COL5A2: variants seen among roughly 807,000 people sequenced by gnomAD.
COL5A2 encodes collagen type V alpha 2 chain.
A neutral mutation model predicts 208.2 loss-of-function variants in COL5A2; 23 were observed. The observed-to-expected ratio is 0.11, with a 90% CI of 0.08 to 0.16. The LOEUF (loss-of-function observed/expected upper bound fraction) is 0.16, where lower values mean the gene tolerates loss of function less well. COL5A2 is among the 10% of genes least tolerant of loss of function. The pLI, the probability that COL5A2 is intolerant of heterozygous loss-of-function variation, is 1.00. For synonymous variants in COL5A2, 625 were observed against 628.5 expected, an observed-to-expected ratio of 0.99 and a Z score of 0.08; for missense variants, 1,590 against 1,956.4, an observed-to-expected ratio of 0.81 and a Z score of 3.53.
chr2:189,121,052 A>T (rs1183777332), intron 1 of COL5A2, among the ~76,000 whole-genome samples: 1 of 151,536 alleles, frequency 6.6e-6, no homozygotes, highest in Non-Finnish European at 1.5e-5. Flanking sequence ...GTAACAGATT[A>T]TTAGAACATA....
At chr2:189,253,160 G>C in the COL5A2 span, among the ~76,000 whole-genome samples, 66 of 152,300 alleles carry the variant, frequency 4.3e-4, no homozygotes, top group Middle Eastern at 3.4e-3. Flanking sequence ...TAATGCAGTG[G>C]AGCTCATGGC....
the COL5A2 span, among the ~76,000 whole-genome samples, chr2:189,340,978 A>G: frequency 6.6e-6 from 1 of 152,238 alleles, no homozygotes; most frequent in Non-Finnish European, 1.5e-5. Flanking sequence ...CCAAAACAAT[A>G]TAAAAATAAA....
the COL5A2 span, among the ~76,000 whole-genome samples, chr2:189,305,814 TAAA>T: frequency 7.8e-3 from 1,086 of 139,572 alleles, 5 homozygotes; most frequent in Non-Finnish European, 0.012. Flanking sequence ...ATATTCAATC[TAAA>T]AAAAAAAAAA....
At chr2:189,185,529 C>T (rs1265028017) in intron 1 of COL5A2, among the ~76,000 whole-genome samples, 3 of 151,994 alleles carry the variant, frequency 2.0e-5, no homozygotes, top group Non-Finnish European at 1.5e-5. Context: ...TTACAAAGAG[C>T]TAGAAAAAAA....
the COL5A2 span, among the ~76,000 whole-genome samples, chr2:189,348,350 A>G: frequency 6.6e-6 from 1 of 152,170 alleles, no homozygotes; most frequent in Non-Finnish European, 1.5e-5. Flanking sequence ...TATTTGCTCT[A>G]GAAAAAAAAT....
intron 26 of COL5A2, 47 bp downstream of exon 26, chr2:189,063,933 C>G (rs1284294681): frequency 7.0e-7 from 1 of 1,437,558 alleles, no homozygotes; most frequent in Non-Finnish European, 9.8e-7. Context: ...AGTTGCATGT[C>G]TGTTGAAAAA....
chr2:189,430,090 A>T, the COL5A2 span, among the ~76,000 whole-genome samples: 1,158 of 152,334 alleles, frequency 7.6e-3, 17 homozygotes, highest in African/African-American at 0.027. Context: ...GGGCCACAGC[A>T]TATTAGTGGA....
chr2:189,279,141 A>C, the COL5A2 span, among the ~76,000 whole-genome samples: 2 of 151,938 alleles, frequency 1.3e-5, no homozygotes, highest in Admixed American at 6.6e-5. Flanking sequence ...ATTCTAGTTT[A>C]AAAGAACAGA....
the COL5A2 span, among the ~76,000 whole-genome samples, chr2:189,325,600 T>C: frequency 6.6e-6 from 1 of 152,266 alleles, no homozygotes; most frequent in Non-Finnish European, 1.5e-5. Flanking sequence ...TAATCTGCAG[T>C]GATTTTTCTT....
In COL5A2 at chr2:189,057,330, T is replaced by A; in HGVS notation, c.2327A>T (p.Lys776Met). The change falls in exon 34 of 54, where the codon AAG becomes ATG. Residue 776 changes from lysine (K) to methionine (M), a missense_variant. Lys to Met is a moderately conservative substitution (Grantham distance 95, BLOSUM62 -1). Transcript: ENST00000374866. ...AAAAAAAGGACTTACTCTGTCACCC[T>A]TGGGGCCAGGAGTTCCTGCAATTCC... ...ERGIAGTPGP[K>M]GDRGGIGEKG... 2 of 1,467,796 alleles carry A rather than the reference T, an allele frequency of 1.4e-6. No individual in the cohort carries two copies. The highest frequency in any genetic ancestry group is 1.9e-6 in the Non-Finnish European group (2 of 1,053,784). The allele number at this position is 1,467,796 out of a possible 1,614,324, so 90.9% of individuals were successfully genotyped here.
At chr2:189,214,269 A>C (rs1456759267) in intron 1 of COL5A2, among the ~76,000 whole-genome samples, 1 of 152,092 alleles carries the variant, frequency 6.6e-6, no homozygotes, top group Non-Finnish European at 1.5e-5. Context: ...CCAGGAAAGT[A>C]GAAATACCTT....
chr2:189,277,822 T>C, the COL5A2 span, among the ~76,000 whole-genome samples: 1 of 152,042 alleles, frequency 6.6e-6, no homozygotes, highest in Admixed American at 6.6e-5. Context: ...GGCAAAACAG[T>C]GATGATCTGC....
chr2:189,293,522 T>C, the COL5A2 span, among the ~76,000 whole-genome samples: 1 of 152,202 alleles, frequency 6.6e-6, no homozygotes, highest in East Asian at 1.9e-4. Context: ...AGAATTGTGT[T>C]GAAATCCTAA....
chr2:189,296,719 A>T, the COL5A2 span, among the ~76,000 whole-genome samples: 2 of 152,240 alleles, frequency 1.3e-5, no homozygotes, highest in Non-Finnish European at 2.9e-5. Flanking sequence ...AGTATTTACC[A>T]AGATTCTATA....
chr2:189,271,417 C>T, the COL5A2 span, among the ~76,000 whole-genome samples: 2 of 152,120 alleles, frequency 1.3e-5, no homozygotes, highest in Non-Finnish European at 2.9e-5. Context: ...AAAGGATTCC[C>T]TATTTAATAA....
intron 1 of COL5A2, among the ~76,000 whole-genome samples, chr2:189,139,693 G>T (rs1445108429): frequency 6.6e-6 from 1 of 152,128 alleles, no homozygotes; most frequent in Non-Finnish European, 1.5e-5. Flanking sequence ...GGAAAATTGG[G>T]TCTAGATTAT....
At chr2:189,311,602 C>G in the COL5A2 span, 3 of 1,051,444 alleles carry the variant, frequency 2.9e-6, no homozygotes, top group Non-Finnish European at 2.9e-6. Flanking sequence ...CCAAGCTGGC[C>G]TTCAGATTTC....
chr2:189,052,780 A>T lies in COL5A2; in HGVS notation c.2684T>A (p.Leu895Gln). The T allele has an allele frequency of 5.6e-6, 9 of 1,614,200 alleles. No homozygotes were observed. Among genetic ancestry groups the T allele is most frequent in the Non-Finnish European group, 7.6e-6 (9 of 1,180,012 alleles). Residue 895 changes from leucine to glutamine, a missense_variant, in exon 40 of 54, where the codon CTA (leucine) becomes CAA (glutamine). Leu to Gln is a moderately radical substitution (Grantham distance 113). Transcript: ENST00000374866. ...ACCTTGGGTTCCTCGACCACCTTTT[A>T]GTCCAGGAACACCATTAGGACCCTG... ...GPHGPNGVPG[L>Q]KGGRGTQGPP...
chr2:189,348,637 G>A, the COL5A2 span, among the ~76,000 whole-genome samples: 1 of 152,166 alleles, frequency 6.6e-6, no homozygotes, highest in Non-Finnish European at 1.5e-5. Context: ...ATGAAAGGAT[G>A]AGGCTATATG....
Sources: gnomAD v4.1 joint callset for allele counts (sites outside exome capture counted in the v4.1 genomes callset) on GRCh38, gnomAD v4.1.1 for gene constraint, MANE v1.5 for transcripts, NCBI Gene and HGNC (gene_info 2026-07-23, HGNC 2026-07-21) for gene names.